The following ARID1B variants were observed in gnomAD, a reference collection of about 807,000 sequenced individuals.
ARID1B encodes the protein AT-rich interaction domain 1B.
A neutral mutation model predicts 212.3 loss-of-function variants in ARID1B; 30 were observed. The observed-to-expected ratio is 0.14, with a 90% confidence interval of 0.11 to 0.19. The LOEUF (loss-of-function observed/expected upper bound fraction) is 0.19, where lower values mean the gene tolerates loss of function less well. Ranked by LOEUF, ARID1B falls within the 10% of genes least tolerant of loss-of-function variation. The pLI, the probability that ARID1B is intolerant of heterozygous loss-of-function variation, is 1.00. For missense variants in ARID1B, 2,891 were observed against 3,204.0 expected (o/e 0.90, Z 2.36); for synonymous variants, 1,402 against 1,301.7 (o/e 1.08, Z -1.66).
At chr6:156,879,020 T>C (rs943727282) in intron 2 of ARID1B, among the ~76,000 whole-genome samples, 1 of 152,224 alleles carries the variant, frequency 6.6e-6, no homozygotes, top group Non-Finnish European at 1.5e-5. Flanking sequence ...GGTAGGACAG[T>C]TAGCTGTTGA....
rs1583464395 is a variant in ARID1B at position 157,181,315 on chromosome 6, A to G, written c.3714+137A>G. The G allele has an allele frequency of 4.5e-6, 5 of 1,111,736 alleles. No individual in the cohort carries two copies. The African/African-American group carries it at 4.7e-5, about 11-fold the overall frequency. 68.9% of individuals were successfully genotyped at this position (1,111,736 alleles called of 1,614,324 possible). A position where few individuals can be genotyped will look rare whatever the true frequency, so the allele number is the denominator to read the frequency against. ...CCTGTGTGAAAGTCGCCTTCTTGCAACCCACGTCTGTGTGCTGTCAGGGAG... is the reference window on the plus strand; with the variant it reads ...CCTGTGTGAAAGTCGCCTTCTTGCAGCCCACGTCTGTGTGCTGTCAGGGAG... On this transcript the variant is annotated intron_variant, in intron 12 of 19. Coordinates refer to ENST00000636930, the MANE Select transcript of ARID1B (RefSeq NM_001374828.1).
At chr6:156,780,573 A>G (rs903269644) in intron 1 of ARID1B, 1 of 152,204 alleles carries the variant, frequency 6.6e-6, no homozygotes, top group Non-Finnish European at 1.5e-5. Flanking sequence ...CCCTCTCACC[A>G]TTGGGCATTT....
At chr6:157,010,609 CATGCCCGGCCT>C (rs1014481687) in intron 4 of ARID1B, among the ~76,000 whole-genome samples, 1 of 149,792 alleles carries the variant, frequency 6.7e-6, no homozygotes, top group African/African-American at 2.5e-5. Context: ...CGTGAGCCAC[CATGCCCGGCCT>C]GTTTTTTTTT....
intron 4 of ARID1B, among the ~76,000 whole-genome samples, chr6:157,011,461 A>G (rs1175854464): frequency 6.6e-6 from 1 of 152,172 alleles, no homozygotes; most frequent in Non-Finnish European, 1.5e-5. Context: ...AGAAAGCTTA[A>G]TTGGTGTGAA....
chr6:156,786,713 A>G (rs1466577693), intron 1 of ARID1B, among the ~76,000 whole-genome samples: 2 of 152,222 alleles, frequency 1.3e-5, no homozygotes, highest in Non-Finnish European at 1.5e-5. Flanking sequence ...CCAGACAGTC[A>G]ATTGGCAAAT....
At chr6:156,826,722 G>A (rs114952508) in intron 1 of ARID1B, among the ~76,000 whole-genome samples, 1 of 152,198 alleles carries the variant, frequency 6.6e-6, no homozygotes, top group African/African-American at 2.4e-5. Flanking sequence ...TGTCCTTGCC[G>A]AGCACAGCAG....
At chr6:157,035,219 AT>A (rs757727642) in intron 4 of ARID1B, among the ~76,000 whole-genome samples, 1 of 152,198 alleles carries the variant, frequency 6.6e-6, no homozygotes, top group African/African-American at 2.4e-5. Context: ...CTCACTGAAG[AT>A]TTTTTCTTGC....
chr6:156,828,340 G>A (rs1421891914), intron 1 of ARID1B, among the ~76,000 whole-genome samples: 1 of 152,172 alleles, frequency 6.6e-6, no homozygotes, highest in East Asian at 1.9e-4. Flanking sequence ...ACCTCAGTGT[G>A]AACGCAGCAT....
intron 4 of ARID1B, among the ~76,000 whole-genome samples, chr6:157,065,448 CTAAT>C (rs1783616884): frequency 6.6e-6 from 1 of 152,200 alleles, no homozygotes; most frequent in Non-Finnish European, 1.5e-5. Flanking sequence ...AAAACCGTCT[CTAAT>C]TGATGAAAGG....
At chr6:156,859,846 T>C (rs925091075) in intron 2 of ARID1B, among the ~76,000 whole-genome samples, 3 of 152,222 alleles carry the variant, frequency 2.0e-5, no homozygotes, top group Admixed American at 6.5e-5. Flanking sequence ...TGAAAAGCTG[T>C]CACTTCTAAT....
At chr6:157,179,101 C>T (rs957184519) in intron 11 of ARID1B, among the ~76,000 whole-genome samples, 1 of 152,112 alleles carries the variant, frequency 6.6e-6, no homozygotes, top group African/African-American at 2.4e-5. Flanking sequence ...GATTATAATG[C>T]CTTTTTCTTC....
intron 2 of ARID1B, among the ~76,000 whole-genome samples, chr6:156,893,048 T>TC (rs1364424419): frequency 1.5e-5 from 2 of 137,228 alleles, no homozygotes; most frequent in East Asian, 3.9e-4. Context: ...TTTCTTCCTT[T>TC]TTTTTTTTTT....
intron 4 of ARID1B, among the ~76,000 whole-genome samples, chr6:157,076,533 C>T (rs1784321419): frequency 6.6e-6 from 1 of 151,730 alleles, no homozygotes; most frequent in Non-Finnish European, 1.5e-5. Flanking sequence ...TGAATGTCTC[C>T]AGAAGGCTCA....
At position 157,184,400 on chromosome 6, in the gene ARID1B, C is replaced by T. The variant is rs2128325859; in HGVS notation, c.3884C>T (p.Thr1295Ile). Residue 1295 changes from threonine (T) to isoleucine (I), a missense_variant, in exon 13 of 20, where the codon ACC becomes ATC. By Grantham distance (89) the Thr-to-Ile change is moderately conservative. Transcript: ENST00000636930. ...PPPEVFSTGD[T>I]KKQPKLQPPS... Reference sequence around the variant, plus strand: ...CCGGAAGTCTTCAGCACCGGGGACACCAAAAAGCAGCCCAAGCTCCAGCCG... The same window carrying T: ...CCGGAAGTCTTCAGCACCGGGGACATCAAAAAGCAGCCCAAGCTCCAGCCG... The T allele has an allele frequency of 6.2e-7, 1 of 1,614,102 alleles. No individual in the cohort carries two copies. The highest frequency in any genetic ancestry group is 8.5e-7 in the Non-Finnish European group (1 of 1,180,032).
chr6:157,182,830 G>T lies in ARID1B; in HGVS notation c.3715-1401G>T, dbSNP rs1792662943. On this transcript the variant is annotated intron_variant, in intron 12 of 19. Transcript: ENST00000636930. ...CTGGACTCCCTGACCTTTCCCCTCTGCACCTGGGCTCCTTTGCCTTCTGCC... is the reference window on the plus strand; with the variant it reads ...CTGGACTCCCTGACCTTTCCCCTCTTCACCTGGGCTCCTTTGCCTTCTGCC... 3.3e-5 allele frequency among the ~76,000 whole-genome samples: 5 copies of T among 152,078 alleles called. No homozygotes were observed. In the South Asian group the frequency reaches 1.0e-3, roughly 32 times the overall value.
rs191974598 is a variant in ARID1B, at chr6:157,085,571, A to T, written c.2491+666A>T. On this transcript the variant is annotated intron_variant, in intron 5 of 19. Transcript: ENST00000636930. The stretch of plus-strand genomic sequence containing the variant: ...TACTTCATCCTCATCCAGCTTTCTT[A>T]TATCAGACTTCATCCATTCAAGTCT... Among the ~76,000 whole-genome samples, 7 of 152,276 alleles carry T rather than the reference A, an allele frequency of 4.6e-5. No individual in the cohort carries two copies. The East Asian group carries it at 1.3e-3, about 29-fold the overall frequency.
intron 2 of ARID1B, among the ~76,000 whole-genome samples, chr6:156,871,387 T>C (rs908226531): frequency 4.6e-5 from 7 of 152,194 alleles, no homozygotes; most frequent in African/African-American, 1.7e-4. Context: ...CTATGGGCAG[T>C]CTGAAAAACG....
At chr6:157,187,335 A>G (rs932147992) in intron 13 of ARID1B, among the ~76,000 whole-genome samples, 21 of 152,120 alleles carry the variant, frequency 1.4e-4, no homozygotes, top group African/African-American at 5.1e-4. Flanking sequence ...GGCTGACTGA[A>G]TTTCTATTAT....
chr6:157,152,665 T>G (rs1790289692), intron 8 of ARID1B, among the ~76,000 whole-genome samples: 1 of 152,208 alleles, frequency 6.6e-6, no homozygotes, highest in Non-Finnish European at 1.5e-5. Context: ...ATGACATGTT[T>G]TAGTGCTCTG....
Sources: gnomAD v4.1 joint callset for allele counts (sites outside exome capture counted in the v4.1 genomes callset) on GRCh38, gnomAD v4.1.1 for gene constraint, MANE v1.5 for transcripts, NCBI Gene and HGNC (gene_info 2026-07-23, HGNC 2026-07-21) for gene names.